CYLC2: variants seen among roughly 807,000 people sequenced by gnomAD.
The protein encoded by CYLC2 is cylicin 2, also known as cylicin-2.
In CYLC2, 30 loss-of-function variants were observed where a neutral mutation model predicts 26.1. That is an observed-to-expected ratio of 1.15 (90% CI 0.86 to 1.56). CYLC2 has a LOEUF of 1.56. Among genes scored for constraint, CYLC2 ranks in the 40% most tolerant of loss-of-function variants. CYLC2 has a pLI of 0.00. For synonymous variants in CYLC2, 158 were observed against 132.8 expected, an observed-to-expected ratio of 1.19 and a Z score of -1.31; for missense variants, 498 against 394.4, an observed-to-expected ratio of 1.26 and a Z score of -2.23.
chr9:103,015,464 A>T (rs940460773), intron 6 of CYLC2, among the ~76,000 whole-genome samples: 2 of 138,242 alleles, frequency 1.4e-5, no homozygotes, highest in Non-Finnish European at 3.1e-5. Context: ...TTATATAATT[A>T]TAATATATAA....
chr9:102,996,580 G>A (rs923200186), intron 1 of CYLC2, among the ~76,000 whole-genome samples: 1 of 151,832 alleles, frequency 6.6e-6, no homozygotes, highest in Admixed American at 6.6e-5. Flanking sequence ...TAACAAATTA[G>A]CATATTTCTT....
At chr9:102,999,418 C>A (rs1829267035) in intron 1 of CYLC2, among the ~76,000 whole-genome samples, 1 of 151,736 alleles carries the variant, frequency 6.6e-6, no homozygotes, top group Non-Finnish European at 1.5e-5. Flanking sequence ...CCAACTGTAT[C>A]CTCTACAAAT....
At chr9:103,008,071 T>C (rs1829369918) in intron 5 of CYLC2, among the ~76,000 whole-genome samples, 1 of 152,134 alleles carries the variant, frequency 6.6e-6, no homozygotes, top group South Asian at 2.1e-4. Context: ...AGTAAAATTA[T>C]GTGTTGAGAT....
In CYLC2 at chr9:103,005,318, T is replaced by A; in HGVS notation, c.687T>A (p.Asp229Glu). ...KGKKDSKKGK[D>E]SAIELQAVKA... Reference sequence around the variant, plus strand: ...AAAAGGATTCAAAGAAGGGCAAGGATTCAGCCATAGAATTACAAGCTGTAA... The same window carrying A: ...AAAAGGATTCAAAGAAGGGCAAGGAATCAGCCATAGAATTACAAGCTGTAA... The change falls in exon 5 of 8, where the codon GAT becomes GAA. Residue 229 changes from aspartate to glutamate, a missense_variant. Asp to Glu is a conservative substitution (Grantham distance 45). Transcript: ENST00000374798. 6.2e-7 allele frequency: 1 copy of A among 1,613,632 alleles called. No individual in the cohort carries two copies. Among genetic ancestry groups the A allele is most frequent in the Non-Finnish European group, 8.5e-7 (1 of 1,179,892 alleles).
At position 103,006,242 on chromosome 9, in the gene CYLC2, A is replaced by G; in HGVS notation, c.*564A>G. 6.6e-6 allele frequency: 1 copy of G among 151,422 alleles called. No individual in the cohort carries two copies. Among genetic ancestry groups the G allele is most frequent in the East Asian group, 1.9e-4 (1 of 5,160 alleles). 9.4% of individuals were successfully genotyped at this position (151,422 alleles called of 1,614,324 possible). A position where few individuals can be genotyped will look rare whatever the true frequency, so the allele number is the denominator to read the frequency against. ...AATATAGCATTCCTTTGGCAAAAAG[A>G]AAAAAAAAGTAAAAGAAAAGAAAAA... On this transcript the variant is annotated 3_prime_UTR_variant, in exon 5 of 8. Transcript: ENST00000374798.
chr9:103,001,732 A>C (rs1007250994), intron 2 of CYLC2, 114 bp downstream of exon 2: 1 of 663,238 alleles, frequency 1.5e-6, no homozygotes, highest in Non-Finnish European at 2.6e-6. Context: ...ATTGATAATT[A>C]ACTATTTCCC....
Position 103,004,684 on chromosome 9 carries a change from C to G in CYLC2, c.181-11C>G. On this transcript the variant is annotated splice_polypyrimidine_tract_variant and intron_variant, in intron 3 of 7. Transcript: ENST00000374798. The stretch of plus-strand genomic sequence containing the variant: ...CACAAGTTGTTCATCATTATTGTAA[C>G]CATCTTTCAGATAATTGATGAAGAA... 6.3e-7 allele frequency: 1 copy of G among 1,575,254 alleles called. No individual in the cohort carries two copies. The highest frequency in any genetic ancestry group is 8.6e-7 in the Non-Finnish European group (1 of 1,160,946).
At chr9:102,999,896 T>C (rs1368806719) in intron 1 of CYLC2, among the ~76,000 whole-genome samples, 1 of 151,812 alleles carries the variant, frequency 6.6e-6, no homozygotes, top group Non-Finnish European at 1.5e-5. Context: ...TCTATAATAA[T>C]GTGGGATATT....
chr9:102,996,257 G>A (rs1587849043), intron 1 of CYLC2, among the ~76,000 whole-genome samples: 2 of 151,892 alleles, frequency 1.3e-5, no homozygotes, highest in East Asian at 3.9e-4. Context: ...TAGAAGCTGA[G>A]TAAATTGATG....
chr9:103,007,191 A>T (rs1465125568), intron 5 of CYLC2, among the ~76,000 whole-genome samples: 1 of 152,178 alleles, frequency 6.6e-6, no homozygotes, highest in Non-Finnish European at 1.5e-5. Context: ...TTCAAAGAAC[A>T]TGGAGAGACA....
intron 1 of CYLC2, among the ~76,000 whole-genome samples, chr9:102,999,435 A>G (rs1321963574): frequency 6.6e-6 from 1 of 151,826 alleles, no homozygotes; most frequent in Non-Finnish European, 1.5e-5. Context: ...AAATAAAGAC[A>G]ATTTTACTTC....
intron 1 of CYLC2, among the ~76,000 whole-genome samples, chr9:102,996,565 C>T (rs1320278347): frequency 6.6e-6 from 1 of 151,866 alleles, no homozygotes; most frequent in African/African-American, 2.4e-5. Flanking sequence ...CATAAAAATT[C>T]TTAATAACAA....
At chr9:103,016,620 A>AGGTTGT (rs1829509371) in intron 6 of CYLC2, among the ~76,000 whole-genome samples, 1 of 151,960 alleles carries the variant, frequency 6.6e-6, no homozygotes, top group Non-Finnish European at 1.5e-5. Context: ...TATTAATTTC[A>AGGTTGT]GGTTGTTGTT....
chr9:103,016,156 T>A (rs574566189), intron 6 of CYLC2, among the ~76,000 whole-genome samples: 166 of 151,988 alleles, frequency 1.1e-3, no homozygotes, highest in African/African-American at 3.8e-3. Context: ...TTTTTCTATC[T>A]GGTATATTAA....
intron 2 of CYLC2, 104 bp from the exon 3 acceptor site, chr9:103,003,038 C>T (rs775510648): frequency 6.5e-6 from 8 of 1,226,714 alleles, no homozygotes; most frequent in Non-Finnish European, 7.9e-6. Context: ...TAATTTGAAT[C>T]ACTTGTTTAT....
intron 6 of CYLC2, among the ~76,000 whole-genome samples, chr9:103,015,947 C>T (rs1157091942): frequency 6.7e-6 from 1 of 149,476 alleles, no homozygotes; most frequent in Non-Finnish European, 1.5e-5. Context: ...ATATATATAT[C>T]TAATTGTATA....
At chr9:102,999,350 C>T (rs981604184) in intron 1 of CYLC2, among the ~76,000 whole-genome samples, 1 of 151,738 alleles carries the variant, frequency 6.6e-6, no homozygotes, top group Non-Finnish European at 1.5e-5. Context: ...AAACTTATTA[C>T]ATTTGATTGG....
At chr9:103,015,500 A>G (rs930306195) in intron 6 of CYLC2, among the ~76,000 whole-genome samples, 12 of 134,006 alleles carry the variant, frequency 9.0e-5, no homozygotes, top group South Asian at 4.2e-4. Flanking sequence ...TATATAACAT[A>G]TAAATATATA....
chr9:103,003,810 G>T (rs900625955), intron 3 of CYLC2, among the ~76,000 whole-genome samples: 1 of 151,848 alleles, frequency 6.6e-6, no homozygotes, highest in Non-Finnish European at 1.5e-5. Flanking sequence ...TTGAGTCATG[G>T]GATTACACTA....
Sources: allele counts gnomAD v4.1 joint callset (sites outside exome capture counted in the v4.1 genomes callset), GRCh38; gene constraint gnomAD v4.1.1; transcripts MANE v1.5; gene names NCBI Gene and HGNC (gene_info 2026-07-23, HGNC 2026-07-21).